The following CAPZB variants were observed in gnomAD, a reference collection of about 807,000 sequenced individuals.
CAPZB encodes F-actin-capping protein subunit beta.
Under a neutral mutation model 38.1 loss-of-function variants are expected in CAPZB, and 2 were observed. That is an observed-to-expected ratio of 0.05 (90% CI 0.02 to 0.17). The LOEUF (loss-of-function observed/expected upper bound fraction) is 0.17. Among genes scored for constraint, CAPZB ranks in the 10% least tolerant of loss-of-function variants. The probability of loss-of-function intolerance (pLI) is 1.00; values close to 1 mark genes in which losing one functional copy is unlikely to be tolerated. For missense variants in CAPZB, 161 were observed against 334.2 expected, an observed-to-expected ratio of 0.48 and a Z score of 4.04; for synonymous variants, 107 against 127.4, an observed-to-expected ratio of 0.84 and a Z score of 1.08.
chr1:19,402,188 C>A (rs1052987579), intron 2 of CAPZB, among the ~76,000 whole-genome samples: 2 of 152,206 alleles, frequency 1.3e-5, no homozygotes, highest in Non-Finnish European at 1.5e-5. Flanking sequence ...CCCACCAGGG[C>A]TGCGAAGGAA....
rs1303953797 is a variant in CAPZB, at chr1:19,356,791, G to A, written c.472-40C>T. 3.0e-6 allele frequency: 4 copies of A among 1,346,654 alleles called. No individual in the cohort carries two copies. Among genetic ancestry groups the A allele is most frequent in the Non-Finnish European group, 3.2e-6 (3 of 940,846 alleles). 83.4% of individuals were successfully genotyped at this position (1,346,654 alleles called of 1,614,324 possible). A position where few individuals can be genotyped will look rare whatever the true frequency, so the allele number is the denominator to read the frequency against. ...CAGAGATCTGTTGAGCTGAGGGAGA[G>A]CCTGAAGTGGCCCCTGGAATTCAGG... On this transcript the variant is annotated intron_variant, in intron 5 of 8. Transcript: ENST00000264202. This position sits in a 1 kb window ranked among gnomAD's most constrained non-coding sequence, Gnocchi z 4.3.
At chr1:19,471,786 G>C (rs1246695444) in intron 1 of CAPZB, among the ~76,000 whole-genome samples, 1 of 145,362 alleles carries the variant, frequency 6.9e-6, no homozygotes, top group Admixed American at 7.0e-5. Context: ...AGAATGGCGT[G>C]AACCAGGAGG....
intron 6 of CAPZB, among the ~76,000 whole-genome samples, chr1:19,348,699 C>T (rs562596419): frequency 6.3e-4 from 91 of 145,128 alleles, no homozygotes; most frequent in African/African-American, 2.2e-3. Context: ...CAGGCATCTG[C>T]TCACAAAGCA....
chr1:19,468,796 T>G (rs937269487), intron 1 of CAPZB, among the ~76,000 whole-genome samples: 1 of 151,908 alleles, frequency 6.6e-6, no homozygotes, highest in Non-Finnish European at 1.5e-5. Context: ...GCACACGCCG[T>G]CTCTCTGCCT....
At chr1:19,420,721 G>A (rs575495981) in intron 1 of CAPZB, among the ~76,000 whole-genome samples, 78 of 152,170 alleles carry the variant, frequency 5.1e-4, no homozygotes, top group African/African-American at 1.8e-3. Context: ...ATGAGCCATC[G>A]TGCCCAGCCC....
intron 8 of CAPZB, chr1:19,342,956 G>T: frequency 2.5e-6 from 2 of 814,942 alleles, no homozygotes; most frequent in Non-Finnish European, 4.3e-6. Context: ...AGGAAATTCA[G>T]GGAGACCCAC....
rs776049040 is a variant in CAPZB at position 19,339,352 on chromosome 1, C to T, written c.*178G>A. On this transcript the variant is annotated 3_prime_UTR_variant, in exon 9 of 9. Transcript: ENST00000264202. ...GGTGTGGCAGAAGCAGGCTCGGAGC[C>T]GGAGGAGGGTGGCTATCGGCTTTAT... 3 of 657,226 alleles carry T rather than the reference C, an allele frequency of 4.6e-6. No homozygotes were observed. Among genetic ancestry groups the T allele is most frequent in the Non-Finnish European group, 5.5e-6 (2 of 365,944 alleles). 40.7% of individuals were successfully genotyped at this position (657,226 alleles called of 1,614,324 possible).
intron 8 of CAPZB, among the ~76,000 whole-genome samples, 193 bp from the exon 9 acceptor site, chr1:19,339,810 C>A (rs1452367834): frequency 6.6e-6 from 1 of 152,232 alleles, no homozygotes; most frequent in African/African-American, 2.4e-5. Context: ...GAGACCTGCA[C>A]CCTCTGCACC....
chr1:19,340,317 A>G (rs906022268), intron 8 of CAPZB, among the ~76,000 whole-genome samples: 8 of 152,180 alleles, frequency 5.3e-5, no homozygotes, highest in Non-Finnish European at 1.2e-4. Flanking sequence ...CTCAGCCCGG[A>G]TTGCAAAGGG....
At chr1:19,361,815 C>T (rs2094054416) in intron 4 of CAPZB, among the ~76,000 whole-genome samples, 1 of 152,202 alleles carries the variant, frequency 6.6e-6, no homozygotes, top group Non-Finnish European at 1.5e-5. Context: ...GAATTAACAG[C>T]ACATACATGG....
At chr1:19,460,938 C>A (rs1318492345) in intron 1 of CAPZB, among the ~76,000 whole-genome samples, 1 of 152,034 alleles carries the variant, frequency 6.6e-6, no homozygotes, top group Non-Finnish European at 1.5e-5. Context: ...CTGTGCTGGC[C>A]AGGTACCTAG....
At position 19,356,029 on chromosome 1, in the gene CAPZB, A is replaced by G. The variant is rs1335944331; in HGVS notation, c.588+606T>C. On this transcript the variant is annotated intron_variant, in intron 6 of 8. Transcript: ENST00000264202. The surrounding 1 kb of genome is among the most constrained non-coding windows in gnomAD (Gnocchi z 4.3). Reference sequence around the variant, plus strand: ...AACAACATCGTGGAGAAGGGTTGCTAGTGATACCCAAACAAAAGATGGATA... The same window carrying G: ...AACAACATCGTGGAGAAGGGTTGCTGGTGATACCCAAACAAAAGATGGATA... 1.3e-5 allele frequency among the ~76,000 whole-genome samples: 2 copies of G among 152,212 alleles called. No homozygotes were observed. Among genetic ancestry groups the G allele is most frequent in the Non-Finnish European group, 2.9e-5 (2 of 68,036 alleles).
chr1:19,464,528 G>A (rs1164314120), intron 1 of CAPZB, among the ~76,000 whole-genome samples: 5 of 152,004 alleles, frequency 3.3e-5, no homozygotes, highest in African/African-American at 7.2e-5. Flanking sequence ...TCTTGACCTC[G>A]TGATCCACCC....
At chr1:19,472,693 T>C (rs1375647563) in intron 1 of CAPZB, among the ~76,000 whole-genome samples, 2 of 150,106 alleles carry the variant, frequency 1.3e-5, no homozygotes, top group Non-Finnish European at 1.5e-5. Flanking sequence ...CTGCAACTAC[T>C]GCGCTTTCAT....
intron 1 of CAPZB, among the ~76,000 whole-genome samples, chr1:19,448,533 C>T (rs1469912195): frequency 6.6e-6 from 1 of 152,182 alleles, no homozygotes; most frequent in Non-Finnish European, 1.5e-5. Flanking sequence ...GCACTGTGGA[C>T]CAGAGAAAGA....
chr1:19,443,224 CAAAAAAAAAAAATACA>C (rs2094484597), intron 1 of CAPZB, among the ~76,000 whole-genome samples: 1 of 138,850 alleles, frequency 7.2e-6, no homozygotes, highest in Non-Finnish European at 1.6e-5. Flanking sequence ...CCCATCTCTA[CAAAAAAAAAAAATACA>C]AAAAAATTAG....
intron 2 of CAPZB, among the ~76,000 whole-genome samples, chr1:19,405,307 CG>C (rs1025044983): frequency 2.4e-4 from 37 of 152,172 alleles, no homozygotes; most frequent in Non-Finnish European, 5.1e-4. Flanking sequence ...CGCAGGTGCT[CG>C]GAAGCCAGAG....
At chr1:19,458,537 G>A (rs950212573) in intron 1 of CAPZB, among the ~76,000 whole-genome samples, 5 of 152,160 alleles carry the variant, frequency 3.3e-5, no homozygotes, top group South Asian at 2.1e-4. Flanking sequence ...TGTACTTTTA[G>A]TAGAGACGGG....
At chr1:19,484,486 C>G (rs2094643566) in intron 1 of CAPZB, 2 of 1,410,672 alleles carry the variant, frequency 1.4e-6, no homozygotes, top group African/African-American at 2.9e-5. Context: ...GAGAAGGGCC[C>G]GCAGAGCAGC....
Sources: gnomAD v4.1 joint callset for allele counts (sites outside exome capture counted in the v4.1 genomes callset) on GRCh38, gnomAD v4.1.1 for gene constraint, Gnocchi (gnomAD v3.1) non-coding constraint, MANE v1.5 for transcripts, NCBI Gene and HGNC (gene_info 2026-07-23, HGNC 2026-07-21) for gene names.